Variants in BNC2 observed in about 807,000 individuals in gnomAD.
The protein encoded by BNC2 is zinc finger protein basonuclin-2.
Under a neutral mutation model 76.3 loss-of-function variants are expected in BNC2, and 20 were observed. The observed-to-expected ratio is 0.26, with a 90% CI of 0.18 to 0.38. The LOEUF is 0.38. BNC2 is among the 10% of genes least tolerant of loss of function. The probability of loss-of-function intolerance (pLI) is 1.00; values close to 1 mark genes in which losing one functional copy is unlikely to be tolerated. For synonymous variants in BNC2, 582 were observed against 514.8 expected (o/e 1.13, Z -1.77); for missense variants, 1,382 against 1,399.8 (o/e 0.99, Z 0.20).
intron 3 of BNC2, among the ~76,000 whole-genome samples, chr9:16,618,678 A>G (rs1820779088): frequency 6.6e-6 from 1 of 152,228 alleles, no homozygotes; most frequent in South Asian, 2.1e-4. Context: ...CAGAAAGGAC[A>G]GATACTCATC....
intron 4 of BNC2, chr9:16,575,230 C>T (rs1188150718): frequency 1.0e-6 from 1 of 982,324 alleles, no homozygotes; most frequent in Non-Finnish European, 1.2e-6. Context: ...CATTCAAGAA[C>T]AACATTCTTA....
intron 4 of BNC2, among the ~76,000 whole-genome samples, chr9:16,570,720 T>C (rs751760139): frequency 8.5e-5 from 13 of 152,194 alleles, no homozygotes; most frequent in Non-Finnish European, 1.8e-4. Flanking sequence ...TAGGGAAACC[T>C]AAAGTTACCA....
chr9:16,653,829 G>A (rs559859572), intron 3 of BNC2, among the ~76,000 whole-genome samples: 1 of 152,238 alleles, frequency 6.6e-6, no homozygotes, highest in Non-Finnish European at 1.5e-5. Flanking sequence ...AACATGCAGC[G>A]TCTGACATGT....
At chr9:16,699,373 G>C (rs1298911903) in intron 3 of BNC2, among the ~76,000 whole-genome samples, 1 of 152,176 alleles carries the variant, frequency 6.6e-6, no homozygotes, top group Non-Finnish European at 1.5e-5. Context: ...GGTTCATAAA[G>C]TACCCAAAAG....
intron 5 of BNC2, among the ~76,000 whole-genome samples, chr9:16,469,193 AG>A (rs1202551620): frequency 1.1e-4 from 17 of 151,938 alleles, no homozygotes; most frequent in African/African-American, 4.1e-4. Context: ...GCTCAGAAAA[AG>A]TGAACATGCT....
In BNC2 at chr9:16,436,441, G is replaced by A; in HGVS notation, c.1753C>T (p.Pro585Ser). Reference sequence around the variant, plus strand: ...GGACTGGTTGGGAGGGAGGTTGGAGGACTCACCATTTCCCCTGGAGTGAGT... The same window carrying A: ...GGACTGGTTGGGAGGGAGGTTGGAGAACTCACCATTTCCCCTGGAGTGAGT... The part of the protein sequence containing the change: ...SLLTPGEMVS[P>S]PTSLPTSPII... Residue 585 changes from proline (P) to serine (S), a missense_variant, in exon 6 of 7, where the codon CCT (proline) becomes TCT (serine). By Grantham distance (74) the Pro-to-Ser change is moderately conservative (BLOSUM62 -1). Around this residue, in one of 3 missense-constraint regions of BNC2, gnomAD observed 798 missense variants for 775.5 expected, o/e 1.03. Transcript: ENST00000380672. 3 of 1,614,090 alleles carry A rather than the reference G, an allele frequency of 1.9e-6. No homozygotes were observed. The highest frequency in any genetic ancestry group is 2.5e-6 in the Non-Finnish European group (3 of 1,180,020).
intron 1 of BNC2, among the ~76,000 whole-genome samples, chr9:16,824,240 A>C (rs1029962379): frequency 6.6e-6 from 1 of 152,154 alleles, no homozygotes; most frequent in African/African-American, 2.4e-5. Flanking sequence ...TGAAGTGTTA[A>C]AGGGTTTTTT....
chr9:16,834,501 G>T (rs543799432), intron 1 of BNC2, among the ~76,000 whole-genome samples: 2 of 152,302 alleles, frequency 1.3e-5, no homozygotes, highest in South Asian at 4.1e-4. Context: ...CCAGCTGCCT[G>T]ACCATAGCTA....
chr9:16,457,645 G>A (rs77294218), intron 5 of BNC2, among the ~76,000 whole-genome samples: 3,122 of 152,280 alleles, frequency 0.021, 106 homozygotes, highest in African/African-American at 0.071. Context: ...ACGTAGGCAT[G>A]CTTTGCCTAG....
chr9:16,667,295 G>GT (rs1468969533), intron 3 of BNC2, among the ~76,000 whole-genome samples: 1 of 152,136 alleles, frequency 6.6e-6, no homozygotes, highest in African/African-American at 2.4e-5. Context: ...TATTCAAGGA[G>GT]TTTTTCCTTT....
chr9:16,835,453 C>T (rs779638239), intron 1 of BNC2, among the ~76,000 whole-genome samples: 1 of 151,790 alleles, frequency 6.6e-6, no homozygotes, highest in Non-Finnish European at 1.5e-5. Flanking sequence ...AATCCCAGCA[C>T]TTTGGGAGGC....
intron 3 of BNC2, among the ~76,000 whole-genome samples, chr9:16,702,202 T>C (rs1823535639): frequency 6.6e-6 from 1 of 152,128 alleles, no homozygotes; most frequent in Admixed American, 6.5e-5. Context: ...CACTCGAAGC[T>C]TTAGTGTGGT....
intron 5 of BNC2, among the ~76,000 whole-genome samples, chr9:16,486,940 A>G (rs1180816987): frequency 2.0e-5 from 3 of 152,120 alleles, no homozygotes; most frequent in African/African-American, 7.2e-5. Flanking sequence ...GGTCTCTCGG[A>G]TCATGCAGTC....
intron 1 of BNC2, among the ~76,000 whole-genome samples, chr9:16,819,842 AG>A (rs1378290895): frequency 6.6e-6 from 1 of 151,884 alleles, no homozygotes; most frequent in African/African-American, 2.4e-5. Context: ...AAATGGCAAT[AG>A]GCCAGGTGTA....
intron 1 of BNC2, among the ~76,000 whole-genome samples, chr9:16,785,807 C>CAA (rs35675411): frequency 8.4e-4 from 115 of 136,912 alleles, no homozygotes; most frequent in Non-Finnish European, 1.3e-3. Flanking sequence ...ATGCTGTCTC[C>CAA]AAAAAAAAAA....
chr9:16,556,769 A>C lies in BNC2; in HGVS notation c.434-4004T>G, dbSNP rs1205764562. Among the ~76,000 whole-genome samples, 5 of 151,638 alleles carry C rather than the reference A, an allele frequency of 3.3e-5. No homozygotes were observed. The East Asian group carries it at 9.6e-4, about 29-fold the overall frequency. On this transcript the variant is annotated intron_variant, in intron 4 of 6. Transcript: ENST00000380672. ...GCGACAGAGCGAGACTCTAACTCAA[A>C]AAAAAAAAAAAATTAAACTGCCTAA...
At chr9:16,800,628 A>G (rs896269262) in intron 1 of BNC2, among the ~76,000 whole-genome samples, 2 of 152,166 alleles carry the variant, frequency 1.3e-5, no homozygotes, top group African/African-American at 4.8e-5. Context: ...ATTCATAGAA[A>G]AAGTACTCTT....
At chr9:16,608,762 G>A (rs1820454943) in intron 3 of BNC2, among the ~76,000 whole-genome samples, 1 of 152,052 alleles carries the variant, frequency 6.6e-6, no homozygotes, top group Middle Eastern at 3.2e-3. Context: ...AACCTGACAG[G>A]GAGTCAGTGA....
At chr9:16,782,029 G>A (rs529848605) in intron 1 of BNC2, among the ~76,000 whole-genome samples, 46 of 152,196 alleles carry the variant, frequency 3.0e-4, no homozygotes, top group Middle Eastern at 3.4e-3. Context: ...GCTCATGCCT[G>A]TAATCTCAAC....
Sources: allele counts gnomAD v4.1 joint callset (sites outside exome capture counted in the v4.1 genomes callset), GRCh38; gene constraint gnomAD v4.1.1; regional missense constraint gnomAD v4.1.1; transcripts MANE v1.5; gene names NCBI Gene and HGNC (gene_info 2026-07-23, HGNC 2026-07-21).